TPST1: variants seen among roughly 807,000 people sequenced by gnomAD.
TPST1 encodes tyrosylprotein sulfotransferase 1, also known as protein-tyrosine sulfotransferase 1.
A neutral mutation model predicts 34.8 loss-of-function variants in TPST1; 20 were observed. The observed-to-expected ratio is 0.57, with a 90% CI of 0.40 to 0.84. The LOEUF is 0.84. Among genes scored for constraint, TPST1 ranks in the 40% least tolerant of loss-of-function variants. TPST1 has a pLI of 0.00. For missense variants in TPST1, 353 were observed against 455.5 expected, an observed-to-expected ratio of 0.78 and a Z score of 2.05; for synonymous variants, 152 against 159.4, an observed-to-expected ratio of 0.95 and a Z score of 0.35.
chr7:66,314,757 C>T (rs1317223823), intron 3 of TPST1, among the ~76,000 whole-genome samples: 1 of 152,162 alleles, frequency 6.6e-6, no homozygotes, highest in East Asian at 1.9e-4. Context: ...CAGCTTGTTA[C>T]TGTACTGAAT....
chr7:66,278,522 C>T (rs767604509), intron 2 of TPST1, among the ~76,000 whole-genome samples: 1 of 152,012 alleles, frequency 6.6e-6, no homozygotes, highest in South Asian at 2.1e-4. Context: ...CAGTGGCTCA[C>T]GCCTGTAATC....
chr7:66,259,944 C>G (rs2115702954), intron 2 of TPST1, among the ~76,000 whole-genome samples: 1 of 152,268 alleles, frequency 6.6e-6, no homozygotes, highest in South Asian at 2.1e-4. Context: ...CCTTGGCAAC[C>G]ACTGATTTTT....
chr7:66,330,605 CAG>C (rs1159259335), intron 3 of TPST1, among the ~76,000 whole-genome samples: 1 of 152,198 alleles, frequency 6.6e-6, no homozygotes, highest in Non-Finnish European at 1.5e-5. Context: ...AACTACCTAA[CAG>C]AGATCCCTTG....
intron 3 of TPST1, among the ~76,000 whole-genome samples, chr7:66,311,045 A>G (rs1437771321): frequency 6.6e-6 from 1 of 152,090 alleles, no homozygotes; most frequent in Non-Finnish European, 1.5e-5. Context: ...CAGAATTTTC[A>G]TAGGCCTTCA....
chr7:66,316,473 C>A (rs1791635355), intron 3 of TPST1, among the ~76,000 whole-genome samples: 1 of 152,132 alleles, frequency 6.6e-6, no homozygotes, highest in Admixed American at 6.6e-5. Context: ...GCCCTTAATT[C>A]ATGCTAATGT....
chr7:66,230,232 T>G (rs1789748699), intron 1 of TPST1, among the ~76,000 whole-genome samples: 1 of 152,148 alleles, frequency 6.6e-6, no homozygotes, highest in Non-Finnish European at 1.5e-5. Context: ...TCCCCCACCC[T>G]CCAGCTCCAG....
Position 66,217,590 on chromosome 7 carries a change from A to ATTTG in TPST1, c.-102+12089_-102+12092dup, listed in dbSNP as rs987673484. ...AATCTAACACATCATTTATTTATTT[A>ATTTG]TTTGTTTGTTTGTTTGTTTGTTTGA... On this transcript the variant is annotated intron_variant, in intron 1 of 5. Transcript: ENST00000304842. 1.5e-3 allele frequency among the ~76,000 whole-genome samples: 227 copies of ATTTG among 151,498 alleles called. 1 individual carries two copies. Among genetic ancestry groups the ATTTG allele is most frequent in the African/African-American group, 4.8e-3 (197 of 41,356 alleles).
intron 2 of TPST1, among the ~76,000 whole-genome samples, chr7:66,284,061 G>A (rs1002564439): frequency 4.6e-5 from 7 of 152,192 alleles, no homozygotes; most frequent in Admixed American, 6.5e-5. Context: ...TTCCCCTTGA[G>A]AGGCCATAGT....
chr7:66,344,918 G>C (rs1792312540), intron 3 of TPST1, among the ~76,000 whole-genome samples: 1 of 149,076 alleles, frequency 6.7e-6, no homozygotes, highest in African/African-American at 2.5e-5. Flanking sequence ...TAGAGACGGG[G>C]TTTCACCATG....
chr7:66,266,763 A>G (rs1790601206), intron 2 of TPST1, among the ~76,000 whole-genome samples: 1 of 152,256 alleles, frequency 6.6e-6, no homozygotes, highest in Admixed American at 6.5e-5. Context: ...CTAAGTGTAC[A>G]CAGCCAGCTG....
chr7:66,259,502 T>C (rs1459608638), intron 2 of TPST1, among the ~76,000 whole-genome samples: 2 of 152,142 alleles, frequency 1.3e-5, no homozygotes. Context: ...TTTTTTTCTC[T>C]TCTTTCTCCT....
At chr7:66,266,569 T>C (rs1790596474) in intron 2 of TPST1, among the ~76,000 whole-genome samples, 1 of 152,222 alleles carries the variant, frequency 6.6e-6, no homozygotes, top group East Asian at 1.9e-4. Flanking sequence ...CTAAAAGACT[T>C]ACAGAAGAAT....
rs182363694 is a variant in TPST1, at chr7:66,322,526, T to C, written c.1045-29979T>C. Among the ~76,000 whole-genome samples, 4 of 152,360 alleles carry C rather than the reference T, an allele frequency of 2.6e-5. No homozygotes were observed. The East Asian group carries it at 7.7e-4, about 29-fold the overall frequency. On this transcript the variant is annotated intron_variant, in intron 3 of 5. Coordinates refer to ENST00000304842, the MANE Select transcript of TPST1 (RefSeq NM_003596.4). Reference sequence around the variant, plus strand: ...GACTGGCTTGTTTGAGTTAGCATAATGTCCTCAAGTTTCATCCATGTTACA... The same window carrying C: ...GACTGGCTTGTTTGAGTTAGCATAACGTCCTCAAGTTTCATCCATGTTACA...
intron 2 of TPST1, among the ~76,000 whole-genome samples, chr7:66,265,168 A>G (rs535355872): frequency 6.6e-6 from 1 of 152,360 alleles, no homozygotes; most frequent in South Asian, 2.1e-4. Flanking sequence ...GAGCCTAAAG[A>G]GACCTGTGGG....
intron 3 of TPST1, among the ~76,000 whole-genome samples, chr7:66,302,203 A>G (rs998837060): frequency 3.3e-5 from 5 of 152,222 alleles, no homozygotes; most frequent in Admixed American, 6.5e-5. Context: ...AGTAGCTTTA[A>G]TTGATTTCAG....
At chr7:66,216,013 C>T (rs190094086) in intron 1 of TPST1, among the ~76,000 whole-genome samples, 3 of 151,958 alleles carry the variant, frequency 2.0e-5, no homozygotes, top group South Asian at 4.2e-4. Context: ...CCTTGTGATC[C>T]GCCCGCCTTG....
intron 1 of TPST1, among the ~76,000 whole-genome samples, chr7:66,227,885 T>C (rs946959280): frequency 1.3e-4 from 20 of 152,200 alleles, no homozygotes; most frequent in Admixed American, 2.0e-4. Context: ...GTAAAGATGT[T>C]TGTAAATACA....
intron 3 of TPST1, among the ~76,000 whole-genome samples, chr7:66,348,289 A>C (rs2116367713): frequency 6.6e-6 from 1 of 152,350 alleles, no homozygotes; most frequent in South Asian, 2.1e-4. Context: ...TAGAATGATT[A>C]AAGTCCAATC....
At chr7:66,354,098 A>G (rs1346273560) in intron 4 of TPST1, among the ~76,000 whole-genome samples, 1 of 152,218 alleles carries the variant, frequency 6.6e-6, no homozygotes, top group Non-Finnish European at 1.5e-5. Context: ...AATTAGAGTA[A>G]GTCCTCAGGA....
Sources: gnomAD v4.1 joint callset for allele counts (sites outside exome capture counted in the v4.1 genomes callset) on GRCh38, gnomAD v4.1.1 for gene constraint, MANE v1.5 for transcripts, NCBI Gene and HGNC (gene_info 2026-07-23, HGNC 2026-07-21) for gene names.